Variants in ANKHD1 observed in about 807,000 individuals in gnomAD.
ANKHD1 encodes the protein ankyrin repeat and KH domain-containing protein 1.
ANKHD1 carries 31 observed loss-of-function variants against 230.5 expected under a neutral mutation model. That is an observed-to-expected ratio of 0.13 (90% CI 0.10 to 0.18). The LOEUF (loss-of-function observed/expected upper bound fraction) is 0.18. Among genes scored for constraint, ANKHD1 ranks in the 10% least tolerant of loss-of-function variants. The probability of loss-of-function intolerance (pLI) is 1.00; values close to 1 mark genes in which losing one functional copy is unlikely to be tolerated. For missense variants in ANKHD1, 2,256 were observed against 3,071.3 expected (o/e 0.73, Z 6.27); for synonymous variants, 1,074 against 1,117.6 (o/e 0.96, Z 0.78).
chr5:140,481,990 T>C (rs1751297840), intron 10 of ANKHD1, among the ~76,000 whole-genome samples: 1 of 152,112 alleles, frequency 6.6e-6, no homozygotes, highest in Non-Finnish European at 1.5e-5. Flanking sequence ...TTCATTCCTC[T>C]TGCTGGCAAA....
At position 140,513,361 on chromosome 5, in the gene ANKHD1, A is replaced by G; in HGVS notation, c.4201-2A>G. The G allele has an allele frequency of 6.2e-7, 1 of 1,607,698 alleles. No individual in the cohort carries two copies. The highest frequency in any genetic ancestry group is 8.5e-7 in the Non-Finnish European group (1 of 1,177,570). On this transcript the variant is annotated splice_acceptor_variant, in intron 23 of 33. Coordinates refer to ENST00000360839, the MANE Select transcript of ANKHD1 (RefSeq NM_017747.3). LOFTEE classifies it high-confidence loss of function. ...TTTACATAATTCTATTTCCTGCTGT[A>G]GGAACTGTTGAAAAAATGTCATCAA...
At chr5:140,517,021 C>T (rs1753048608) in intron 24 of ANKHD1, among the ~76,000 whole-genome samples, 1 of 151,100 alleles carries the variant, frequency 6.6e-6, no homozygotes, top group African/African-American at 2.4e-5. Flanking sequence ...CAAGACCCAT[C>T]AGTGTGCTGT....
intron 15 of ANKHD1, among the ~76,000 whole-genome samples, chr5:140,503,112 T>C (rs1002144262): frequency 1.3e-5 from 2 of 152,176 alleles, no homozygotes; most frequent in African/African-American, 4.8e-5. Context: ...TATCAAAAAT[T>C]CTAGAGAGAA....
rs1437342838 is a variant in ANKHD1 at position 140,525,976 on chromosome 5, A to G, written c.4493-20A>G. ...AGATCTGTGACTCAGTATGATTTTT[A>G]TTCTTTTTAACAATTTCAGTGGAGC... On this transcript the variant is annotated intron_variant, in intron 25 of 33. Coordinates refer to ENST00000360839, the MANE Select transcript of ANKHD1 (RefSeq NM_017747.3). The G allele has an allele frequency of 6.5e-7, 1 of 1,545,178 alleles. No individual in the cohort carries two copies. Among genetic ancestry groups the G allele is most frequent in the Middle Eastern group, 1.7e-4 (1 of 5,728 alleles).
chr5:140,406,580 G>A (rs971560033), intron 1 of ANKHD1, among the ~76,000 whole-genome samples: 3 of 147,530 alleles, frequency 2.0e-5, no homozygotes, highest in African/African-American at 5.0e-5. Flanking sequence ...TTTTTTTTGA[G>A]ATGGAGTCTT....
chr5:140,438,505 C>T lies in ANKHD1; in HGVS notation c.505C>T (p.Pro169Ser). The T allele has an allele frequency of 6.2e-7, 1 of 1,612,748 alleles. No individual in the cohort carries two copies. ...STADGKAFAD[P>S]EVLRRLTSSV... ...TGCTGATGGTAAAGCTTTTGCAGAT[C>T]CTGAGGTACTCCGGAGACTGACATC... Residue 169 changes from proline to serine, a missense_variant, in exon 3 of 34, where the codon CCT (proline) becomes TCT (serine). Around this residue, in one of 13 missense-constraint regions of ANKHD1, gnomAD observed 206 missense variants for 304.5 expected, o/e 0.68. Coordinates refer to ENST00000360839, the MANE Select transcript of ANKHD1 (RefSeq NM_017747.3).
chr5:140,447,557 C>G (rs1248943607), intron 6 of ANKHD1, among the ~76,000 whole-genome samples: 1 of 152,140 alleles, frequency 6.6e-6, no homozygotes, highest in Non-Finnish European at 1.5e-5. Context: ...TACTATTTCA[C>G]TATTTCATTT....
At chr5:140,440,618 T>C (rs1226661260) in intron 4 of ANKHD1, among the ~76,000 whole-genome samples, 1 of 152,206 alleles carries the variant, frequency 6.6e-6, no homozygotes, top group Non-Finnish European at 1.5e-5. Context: ...ATTCTTTTAA[T>C]TTTTTTCCTT....
In ANKHD1 at chr5:140,485,950, CT is replaced by C; in HGVS notation, c.2142+220del. Reference sequence around the variant, plus strand: ...TGAGAATAGTGGTTTTTAAAAACCACTTAATATCAAATATAAACGTAAGTAT... The same window carrying C: ...TGAGAATAGTGGTTTTTAAAAACCACTAATATCAAATATAAACGTAAGTAT... On this transcript the variant is annotated intron_variant, in intron 13 of 33. Coordinates refer to ENST00000360839, the MANE Select transcript of ANKHD1 (RefSeq NM_017747.3). This position sits in a 1 kb window ranked among gnomAD's most constrained non-coding sequence, Gnocchi z 4.8. 1 of 585,090 alleles carries C rather than the reference CT, an allele frequency of 1.7e-6. No homozygotes were observed. The highest frequency in any genetic ancestry group is 2.8e-6 in the Non-Finnish European group (1 of 363,276). The allele number at this position is 585,090 out of a possible 1,614,324, so 36.2% of individuals were successfully genotyped here.
intron 10 of ANKHD1, among the ~76,000 whole-genome samples, chr5:140,481,438 A>C (rs1419277866): frequency 1.3e-5 from 2 of 152,092 alleles, no homozygotes; most frequent in African/African-American, 2.4e-5. Context: ...AAGTCAAAGC[A>C]TAAAGTAGTT....
chr5:140,486,969 G>C lies in ANKHD1; in HGVS notation c.2154G>C (p.Val718=), dbSNP rs1227211421. ...PSQDQSQVPR[V]PTHTLAMVVP... Reference sequence around the variant, plus strand: ...AGTTGACTTTTTAGGTGCCACGTGTGCCAACGCATACACTTGCCATGGTTG... The same window carrying C: ...AGTTGACTTTTTAGGTGCCACGTGTCCCAACGCATACACTTGCCATGGTTG... Residue 718 remains valine (V), a synonymous_variant, in exon 14 of 34, where the codon GTG becomes GTC. Coordinates refer to ENST00000360839, the MANE Select transcript of ANKHD1 (RefSeq NM_017747.3). 6.2e-7 allele frequency: 1 copy of C among 1,611,296 alleles called. No individual in the cohort carries two copies. The highest frequency in any genetic ancestry group is 1.3e-5 in the African/African-American group (1 of 74,854).
intron 1 of ANKHD1, among the ~76,000 whole-genome samples, chr5:140,435,080 T>C (rs994746818): frequency 2.0e-5 from 3 of 152,252 alleles, no homozygotes; most frequent in East Asian, 1.9e-4. Context: ...ATTCATACTA[T>C]GTGCCAGGTA....
intron 9 of ANKHD1, among the ~76,000 whole-genome samples, chr5:140,461,078 A>G (rs530429089): frequency 4.6e-5 from 7 of 152,208 alleles, no homozygotes; most frequent in Non-Finnish European, 7.3e-5. Context: ...GAAGGAATAA[A>G]TGTTTATTAA....
At chr5:140,405,244 A>T (rs926226756) in intron 1 of ANKHD1, among the ~76,000 whole-genome samples, 11 of 152,056 alleles carry the variant, frequency 7.2e-5, no homozygotes, top group African/African-American at 2.7e-4. Context: ...TTTGGAATGG[A>T]AGTTTCTAGG....
intron 1 of ANKHD1, 111 bp downstream of exon 1, chr5:140,402,384 A>G (rs1770018410): frequency 7.4e-7 from 1 of 1,346,856 alleles, no homozygotes; most frequent in Non-Finnish European, 9.6e-7. Context: ...CTTCTGTGAC[A>G]GCGGTCGGCT....
At chr5:140,502,033 C>T (rs1470787674) in intron 15 of ANKHD1, among the ~76,000 whole-genome samples, 4 of 144,438 alleles carry the variant, frequency 2.8e-5, no homozygotes, top group African/African-American at 5.3e-5. Flanking sequence ...GAGACCCTAT[C>T]TCTTTAAAAA....
At chr5:140,505,371 A>G in intron 17 of ANKHD1, 138 bp downstream of exon 17, 1 of 1,087,854 alleles carries the variant, frequency 9.2e-7, no homozygotes, top group Admixed American at 2.7e-5. Flanking sequence ...ATCTGGATTC[A>G]TTATTCTGCG....
intron 1 of ANKHD1, among the ~76,000 whole-genome samples, chr5:140,435,003 T>A (rs1773328509): frequency 6.6e-6 from 1 of 152,236 alleles, no homozygotes; most frequent in African/African-American, 2.4e-5. Flanking sequence ...ATTGGAGGGT[T>A]ACATGTTTAT....
intron 22 of ANKHD1, among the ~76,000 whole-genome samples, chr5:140,511,346 A>C (rs1561814812): frequency 6.6e-6 from 1 of 152,054 alleles, no homozygotes; most frequent in Admixed American, 6.5e-5. Flanking sequence ...AATGCACTAA[A>C]TTTTCAACTG....
Sources: gnomAD v4.1 joint callset for allele counts (sites outside exome capture counted in the v4.1 genomes callset) on GRCh38, gnomAD v4.1.1 for gene constraint, gnomAD v4.1.1 regional missense constraint, Gnocchi (gnomAD v3.1) non-coding constraint, MANE v1.5 for transcripts, NCBI Gene and HGNC (gene_info 2026-07-23, HGNC 2026-07-21) for gene names.